The following CXADR variants were observed in gnomAD, a reference collection of about 807,000 sequenced individuals.
CXADR encodes the protein CXADR cell adhesion molecule, also known as coxsackievirus and adenovirus receptor.
A neutral mutation model predicts 40.3 loss-of-function variants in CXADR; 20 were observed. The ratio of observed to expected loss-of-function variants is 0.50; its 90% confidence interval spans 0.35 to 0.72. The LOEUF (loss-of-function observed/expected upper bound fraction) is 0.72, where lower values mean the gene tolerates loss of function less well. CXADR is among the 30% of genes least tolerant of loss of function. The probability of loss-of-function intolerance (pLI) is 0.01; values close to 1 mark genes in which losing one functional copy is unlikely to be tolerated. For synonymous variants in CXADR, 150 were observed against 161.3 expected (o/e 0.93, Z 0.53); for missense variants, 332 against 449.1 (o/e 0.74, Z 2.36).
At chr21:17,585,159 A>G (rs962855468) in intron 7 of CXADR, among the ~76,000 whole-genome samples, 3 of 152,146 alleles carry the variant, frequency 2.0e-5, no homozygotes, top group Non-Finnish European at 4.4e-5. Context: ...TTGGCTGTTT[A>G]TTTCTGGACT....
downstream of CXADR, among the ~76,000 whole-genome samples, chr21:17,573,933 G>A (rs1171439302): frequency 6.6e-6 from 1 of 150,918 alleles, no homozygotes; most frequent in Non-Finnish European, 1.5e-5. Flanking sequence ...ATCTGAATTT[G>A]TCTTTTTAAG....
intron 6 of CXADR, among the ~76,000 whole-genome samples, chr21:17,564,837 C>T (rs1311442092): frequency 6.6e-6 from 1 of 152,104 alleles, no homozygotes; most frequent in Non-Finnish European, 1.5e-5. Flanking sequence ...TGGGTTCAAG[C>T]GATTCTCCTG....
chr21:17,542,371 C>A (rs1423595904), intron 1 of CXADR, among the ~76,000 whole-genome samples: 1 of 152,180 alleles, frequency 6.6e-6, no homozygotes, highest in Non-Finnish European at 1.5e-5. Context: ...TTCTTCCATT[C>A]TCTCCAGTTT....
At position 17,522,106 on chromosome 21, in the gene CXADR, C is replaced by T. The variant is rs1467356498; in HGVS notation, c.43+8934C>T. On this transcript the variant is annotated intron_variant, in intron 1 of 6. Transcript: ENST00000284878. ...CAGGTGATTCTTCTATCTCAGCCCT[C>T]AAGTAGCTGGGACTACAGGCACCTA... Among the ~76,000 whole-genome samples, 3 of 152,094 alleles carry T rather than the reference C, an allele frequency of 2.0e-5. No homozygotes were observed. In the East Asian group the frequency reaches 5.8e-4, roughly 29 times the overall value.
chr21:17,590,957 G>A (rs2061430671), intron 7 of CXADR, among the ~76,000 whole-genome samples: 1 of 152,008 alleles, frequency 6.6e-6, no homozygotes, highest in Non-Finnish European at 1.5e-5. Context: ...TATCTGAGTA[G>A]TTTGTAACAA....
chr21:17,611,611 CAAG>C, the CXADR span: 1 of 152,272 alleles, frequency 6.6e-6, no homozygotes, highest in Non-Finnish European at 1.5e-5. Flanking sequence ...CAAGCAGGGC[CAAG>C]AAGACCTCAG....
chr21:17,577,141 G>A (rs1219796983), intron 7 of CXADR, among the ~76,000 whole-genome samples: 3 of 150,912 alleles, frequency 2.0e-5, no homozygotes, highest in African/African-American at 7.3e-5. Flanking sequence ...TACAGAGTGA[G>A]ACCCTGTCTC....
chr21:17,613,939 C>T, the CXADR span: 1 of 152,098 alleles, frequency 6.6e-6, no homozygotes. Context: ...GGCCAGATTC[C>T]TTACTGCCCA....
chr21:17,568,660 G>C lies in CXADR; in HGVS notation c.*2968G>C. The C allele has an allele frequency of 3.0e-6, 3 of 984,848 alleles. No homozygotes were observed. The highest frequency in any genetic ancestry group is 3.6e-6 in the Non-Finnish European group (3 of 829,886). The allele number at this position is 984,848 out of a possible 1,614,324, so 61.0% of individuals were successfully genotyped here. Reference sequence around the variant, plus strand: ...CCTGCCTTGGCCTCCCAAATTGCTGGGATTACAGGTGTGAGCCGCAGCATC... The same window carrying C: ...CCTGCCTTGGCCTCCCAAATTGCTGCGATTACAGGTGTGAGCCGCAGCATC... On this transcript the variant is annotated 3_prime_UTR_variant, in exon 7 of 7. Coordinates refer to ENST00000284878, the MANE Select transcript of CXADR (RefSeq NM_001338.5).
At chr21:17,635,528 G>T in the CXADR span, among the ~76,000 whole-genome samples, 1 of 151,956 alleles carries the variant, frequency 6.6e-6, no homozygotes, top group Admixed American at 6.5e-5. Context: ...GCCTCCAGAG[G>T]GTGGAATCAC....
In CXADR at chr21:17,565,767, A is replaced by T; in HGVS notation, c.*75A>T. The stretch of plus-strand genomic sequence containing the variant: ...ATATATGAAAACCTATTCTGGTCTA[A>T]ATTGTGTTACTAGCCTCAAAATACA... On this transcript the variant is annotated 3_prime_UTR_variant, in exon 7 of 7. Transcript: ENST00000284878. 6.5e-7 allele frequency: 1 copy of T among 1,535,044 alleles called. No homozygotes were observed. Among genetic ancestry groups the T allele is most frequent in the Non-Finnish European group, 8.8e-7 (1 of 1,142,844 alleles).
chr21:17,604,196 G>A, the CXADR span: 8 of 1,125,122 alleles, frequency 7.1e-6, no homozygotes, highest in South Asian at 2.9e-5. Flanking sequence ...GTAATCCAGC[G>A]CTTTGGGAGG....
At chr21:17,618,539 C>CT in the CXADR span, among the ~76,000 whole-genome samples, 1,747 of 151,078 alleles carry the variant, frequency 0.012, 31 homozygotes, top group African/African-American at 0.04. Context: ...TTTTTCTTTT[C>CT]TTTTTTTTTG....
intron 7 of CXADR, among the ~76,000 whole-genome samples, chr21:17,583,432 T>C (rs2061374297): frequency 6.6e-6 from 1 of 152,250 alleles, no homozygotes; most frequent in South Asian, 2.1e-4. Context: ...ATAGTAGTCA[T>C]AGGAAAGATA....
chr21:17,594,699 A>C (rs895270994), downstream of CXADR, among the ~76,000 whole-genome samples: 2 of 152,018 alleles, frequency 1.3e-5, no homozygotes, highest in Non-Finnish European at 2.9e-5. Context: ...TTAAATACAA[A>C]ACATTGGAGC....
At position 17,568,125 on chromosome 21, in the gene CXADR, C is replaced by T. The variant is rs1462584019; in HGVS notation, c.*2433C>T. ...AGATCAGTCAAGGACAGTACTGCATCTTTTTTTTTTTTTTTTTTTTTAAGA... is the reference window on the plus strand; with the variant it reads ...AGATCAGTCAAGGACAGTACTGCATTTTTTTTTTTTTTTTTTTTTTTAAGA... On this transcript the variant is annotated 3_prime_UTR_variant, in exon 7 of 7. Transcript: ENST00000284878. 7.3e-4 allele frequency: 603 copies of T among 830,074 alleles called. No homozygotes were observed. The highest frequency in any genetic ancestry group is 7.7e-4 in the Non-Finnish European group (554 of 715,738). 51.4% of individuals were successfully genotyped at this position (830,074 alleles called of 1,614,324 possible). A position where few individuals can be genotyped will look rare whatever the true frequency, so the allele number is the denominator to read the frequency against.
the CXADR span, among the ~76,000 whole-genome samples, chr21:17,620,335 A>G: frequency 1.3e-5 from 2 of 152,208 alleles, no homozygotes; most frequent in African/African-American, 4.8e-5. Context: ...AAGGAGAGAG[A>G]GACAGTGGAA....
chr21:17,534,019 T>TATATATAGCTATATATATATATCTACAC lies in CXADR; in HGVS notation c.44-13001_44-13000insGCTATATATATATATCTACACATATATA, dbSNP rs1356079376. On this transcript the variant is annotated intron_variant, in intron 1 of 6. Transcript: ENST00000284878. ...TCTCTTTCTCAGCAATATATATATA[T>TATATATAGCTATATATATATATCTACAC]ATATATATAGCTATATATATATATA... Among the ~76,000 whole-genome samples, 3 of 81,390 alleles carry TATATATAGCTATATATATATATCTACAC rather than the reference T, an allele frequency of 3.7e-5. No individual in the cohort carries two copies. The Admixed American group carries it at 5.7e-4, about 15-fold the overall frequency. The allele number at this position is 81,390 out of a possible 152,430, so 53.4% of individuals were successfully genotyped here. A position where few individuals can be genotyped will look rare whatever the true frequency, so the allele number is the denominator to read the frequency against.
intron 1 of CXADR, among the ~76,000 whole-genome samples, chr21:17,539,495 C>A (rs1569099711): frequency 6.6e-6 from 1 of 152,178 alleles, no homozygotes; most frequent in Non-Finnish European, 1.5e-5. Context: ...TCCCTCTTCT[C>A]CTTCCACATT....
Sources: allele counts gnomAD v4.1 joint callset (sites outside exome capture counted in the v4.1 genomes callset), GRCh38; gene constraint gnomAD v4.1.1; transcripts MANE v1.5; gene names NCBI Gene and HGNC (gene_info 2026-07-23, HGNC 2026-07-21).